UGT1A7: variants seen among roughly 807,000 people sequenced by gnomAD.
UGT1A7 encodes UDP glucuronosyltransferase family 1 member A7.
UGT1A7 carries 33 observed loss-of-function variants against 45.6 expected under a neutral mutation model. The observed-to-expected ratio is 0.72, with a 90% CI of 0.55 to 0.97. The LOEUF (loss-of-function observed/expected upper bound fraction) is 0.97. Among genes scored for constraint, UGT1A7 ranks in the 50% least tolerant of loss-of-function variants. The pLI, the probability that UGT1A7 is intolerant of heterozygous loss-of-function variation, is 0.00. For missense variants in UGT1A7, 684 were observed against 666.2 expected (o/e 1.03, Z -0.29); for synonymous variants, 274 against 250.6 (o/e 1.09, Z -0.88).
In UGT1A7 at chr2:233,769,692, A is replaced by G; in HGVS notation, c.1295+1253A>G. On this transcript the variant is annotated intron_variant, in intron 4 of 4. Transcript: ENST00000373426. The surrounding 1 kb of genome is among the most constrained non-coding windows in gnomAD (Gnocchi z 4.4). ...GCTAATGTGTGTGTGGTGGCACTGG[A>G]TAAAAGATCAATGTTGGCTAGGCAC... 1.9e-6 allele frequency: 3 copies of G among 1,542,672 alleles called. No individual in the cohort carries two copies. Among genetic ancestry groups the G allele is most frequent in the Non-Finnish European group, 2.6e-6 (3 of 1,143,658 alleles).
intron 1 of UGT1A7, chr2:233,719,180 A>G (rs778527211): frequency 1.6e-5 from 26 of 1,614,056 alleles, no homozygotes; most frequent in Admixed American, 1.3e-4. Flanking sequence ...TGAACAATGT[A>G]TCTTTGGCCC....
At chr2:233,728,451 C>T (rs754577531) in intron 1 of UGT1A7, among the ~76,000 whole-genome samples, 1 of 152,174 alleles carries the variant, frequency 6.6e-6, no homozygotes, top group Non-Finnish European at 1.5e-5. Context: ...GGAGAATCCT[C>T]AACAAAGTCT....
intron 1 of UGT1A7, chr2:233,755,445 C>T (rs953551785): frequency 7.1e-5 from 22 of 311,136 alleles, no homozygotes; most frequent in South Asian, 1.2e-4. Flanking sequence ...ATGCAGTGCT[C>T]CTGGGACTGG....
chr2:233,707,538 CTTT>C (rs753963758), intron 1 of UGT1A7, among the ~76,000 whole-genome samples: 1 of 126,988 alleles, frequency 7.9e-6, no homozygotes, highest in Non-Finnish European at 1.7e-5. Context: ...TTTGTCTTGC[CTTT>C]TTTTTTTTTT....
chr2:233,729,271 C>A, intron 1 of UGT1A7: 1 of 1,614,166 alleles, frequency 6.2e-7, no homozygotes, highest in Non-Finnish European at 8.5e-7. Context: ...GGAGGTCTTG[C>A]GGGAGCTCCA....
At chr2:233,689,285 G>T (rs972583295) in intron 1 of UGT1A7, among the ~76,000 whole-genome samples, 4 of 152,140 alleles carry the variant, frequency 2.6e-5, no homozygotes, top group African/African-American at 7.2e-5. Flanking sequence ...ACTAAACTGG[G>T]GTTCACTCAC....
At chr2:233,700,856 A>G (rs1024033186) in intron 1 of UGT1A7, among the ~76,000 whole-genome samples, 10 of 151,944 alleles carry the variant, frequency 6.6e-5, no homozygotes, top group African/African-American at 1.9e-4. Context: ...ATATCTCCTA[A>G]TGCTATCCCT....
intron 1 of UGT1A7, among the ~76,000 whole-genome samples, chr2:233,716,088 T>C (rs2076485865): frequency 6.6e-6 from 1 of 152,258 alleles, no homozygotes; most frequent in Non-Finnish European, 1.5e-5. Flanking sequence ...TGTAAGCTCA[T>C]TCCTTTAACA....
At chr2:233,771,134 C>T (rs1700244933) in intron 4 of UGT1A7, 1 of 152,302 alleles carries the variant, frequency 6.6e-6, no homozygotes, top group Admixed American at 6.5e-5. Flanking sequence ...CCCCATGATC[C>T]AAACACCTCC....
At chr2:233,707,836 T>C (rs2075990363) in intron 1 of UGT1A7, among the ~76,000 whole-genome samples, 1 of 152,212 alleles carries the variant, frequency 6.6e-6, no homozygotes, top group Non-Finnish European at 1.5e-5. Context: ...TTTAATAAGA[T>C]GTAACTATTT....
chr2:233,729,516 G>A, intron 1 of UGT1A7: 1 of 1,614,186 alleles, frequency 6.2e-7, no homozygotes, highest in Non-Finnish European at 8.5e-7. Flanking sequence ...CTTGTGTGGA[G>A]CTACTACATA....
At chr2:233,698,027 C>G (rs1346477159) in intron 1 of UGT1A7, among the ~76,000 whole-genome samples, 1 of 152,070 alleles carries the variant, frequency 6.6e-6, no homozygotes, top group East Asian at 1.9e-4. Context: ...TACCAATTAT[C>G]TTATTTTTTC....
At chr2:233,692,908 T>C in intron 1 of UGT1A7, 1 of 1,553,502 alleles carries the variant, frequency 6.4e-7, no homozygotes, top group African/African-American at 1.4e-5. Flanking sequence ...ACAGGACCTG[T>C]GAAAAGCAGT....
At chr2:233,687,583 T>G in intron 1 of UGT1A7, among the ~76,000 whole-genome samples, 1 of 107,470 alleles carries the variant, frequency 9.3e-6, no homozygotes. Flanking sequence ...ACATTCTTTG[T>G]AAAAAAAAAA....
chr2:233,691,572 C>T, intron 1 of UGT1A7: 1 of 985,674 alleles, frequency 1.0e-6, no homozygotes, highest in Non-Finnish European at 1.2e-6. Flanking sequence ...CCACCTCTCA[C>T]TGGGACAGCC....
intron 1 of UGT1A7, among the ~76,000 whole-genome samples, chr2:233,721,183 C>G (rs1370349767): frequency 6.6e-6 from 1 of 152,146 alleles, no homozygotes; most frequent in East Asian, 1.9e-4. Flanking sequence ...GATCAAACCA[C>G]AAGATATTTG....
chr2:233,760,379 TG>T (rs1308601724), intron 1 of UGT1A7: 1 of 1,614,196 alleles, frequency 6.2e-7, no homozygotes, highest in East Asian at 2.2e-5. Flanking sequence ...GGGAAGATAC[TG>T]TTGATCCCAG....
At position 233,772,917 on chromosome 2, in the gene UGT1A7, G is replaced by A. The variant is rs930433907; in HGVS notation, c.*358G>A. ...TCCCACGGCTGCCCCTACTGCAAAT[G>A]GCAGTTTTAATCTTATCTTTTGGCT... On this transcript the variant is annotated 3_prime_UTR_variant, in exon 5 of 5. Coordinates refer to ENST00000373426, the MANE Select transcript of UGT1A7 (RefSeq NM_019077.3). The A allele has an allele frequency of 5.3e-6, 2 of 380,130 alleles. No individual in the cohort carries two copies. The highest frequency in any genetic ancestry group is 9.3e-6 in the Non-Finnish European group (2 of 215,476). The allele number at this position is 380,130 out of a possible 1,614,324, so 23.5% of individuals were successfully genotyped here.
At chr2:233,756,509 C>G (rs138449392) in intron 1 of UGT1A7, among the ~76,000 whole-genome samples, 3,057 of 152,098 alleles carry the variant, frequency 0.02, 61 homozygotes, top group Non-Finnish European at 0.029. Context: ...TATGGAGGGT[C>G]AAATGTGCAT....
Sources: gnomAD v4.1 joint callset for allele counts (sites outside exome capture counted in the v4.1 genomes callset) on GRCh38, gnomAD v4.1.1 for gene constraint, Gnocchi (gnomAD v3.1) non-coding constraint, MANE v1.5 for transcripts, NCBI Gene and HGNC (gene_info 2026-07-23, HGNC 2026-07-21) for gene names.